Variants in GRIP1 observed in about 807,000 individuals in gnomAD.
GRIP1 encodes glutamate receptor-interacting protein 1.
Under a neutral mutation model 129.9 loss-of-function variants are expected in GRIP1, and 45 were observed. That is an observed-to-expected ratio of 0.35 (90% CI 0.27 to 0.44). The LOEUF (loss-of-function observed/expected upper bound fraction) is 0.44. GRIP1 is among the 20% of genes least tolerant of loss of function. GRIP1 has a pLI of 1.00. For missense variants in GRIP1, 1,196 were observed against 1,396.8 expected, an observed-to-expected ratio of 0.86 and a Z score of 2.29; for synonymous variants, 530 against 520.8, an observed-to-expected ratio of 1.02 and a Z score of -0.24.
Position 66,463,097 on chromosome 12 carries a change from C to A in GRIP1, c.873-4G>T, listed in dbSNP as rs368277972. The A allele has an allele frequency of 1.2e-6, 2 of 1,612,990 alleles. No homozygotes were observed. Among genetic ancestry groups the A allele is most frequent in the South Asian group, 2.2e-5 (2 of 91,028 alleles). ...TCCCACATGCAATGCGCCACATCTACGGAAAGGAGAAATACTCGGTAAGAG... is the reference window on the plus strand; with the variant it reads ...TCCCACATGCAATGCGCCACATCTAAGGAAAGGAGAAATACTCGGTAAGAG... On this transcript the variant is annotated splice_polypyrimidine_tract_variant and splice_region_variant and intron_variant, in intron 8 of 24. Transcript: ENST00000359742.
intron 1 of GRIP1, among the ~76,000 whole-genome samples, chr12:66,989,820 T>A (rs926269897): frequency 3.9e-5 from 6 of 152,138 alleles, no homozygotes. Flanking sequence ...TTTAATGGAA[T>A]TTGAGTTACA....
At chr12:66,742,384 T>C (rs925104006) in intron 1 of GRIP1, among the ~76,000 whole-genome samples, 1 of 152,098 alleles carries the variant, frequency 6.6e-6, no homozygotes, top group Non-Finnish European at 1.5e-5. Flanking sequence ...AAGGAACCAG[T>C]ATAAATTGCT....
intron 1 of GRIP1, among the ~76,000 whole-genome samples, chr12:66,800,507 G>T (rs1299824744): frequency 1.3e-5 from 2 of 152,164 alleles, no homozygotes; most frequent in Non-Finnish European, 2.9e-5. Flanking sequence ...TAAGCACAGT[G>T]TTAAGAGATT....
intron 1 of GRIP1, among the ~76,000 whole-genome samples, chr12:66,895,098 G>A (rs540704114): frequency 7.2e-5 from 11 of 152,280 alleles, no homozygotes; most frequent in African/African-American, 2.6e-4. Context: ...ACCATGAACT[G>A]CCTTCACCAC....
rs867869437 is a variant in GRIP1, at chr12:66,478,228, G to A, written c.725-12806C>T. The stretch of plus-strand genomic sequence containing the variant: ...AAAAAGTGGGCTAAGGATATGAACA[G>A]ACACTTCTCAAAAGAAGACATTTAT... On this transcript the variant is annotated intron_variant, in intron 7 of 24. Transcript: ENST00000359742. 5.3e-5 allele frequency among the ~76,000 whole-genome samples: 8 copies of A among 152,306 alleles called. No individual in the cohort carries two copies. In the East Asian group the frequency reaches 1.2e-3, roughly 22 times the overall value.
chr12:66,985,191 G>C (rs555758876), intron 1 of GRIP1, among the ~76,000 whole-genome samples: 2 of 152,276 alleles, frequency 1.3e-5, no homozygotes, highest in East Asian at 3.9e-4. Flanking sequence ...AAGCCACATA[G>C]TATCACTTCC....
chr12:66,751,884 G>A (rs2037136151), intron 1 of GRIP1, among the ~76,000 whole-genome samples: 1 of 152,100 alleles, frequency 6.6e-6, no homozygotes, highest in Admixed American at 6.6e-5. Flanking sequence ...ATGATCCAAT[G>A]GTGGGAAGTG....
chr12:66,658,955 C>T (rs1008450988), intron 1 of GRIP1, among the ~76,000 whole-genome samples: 9 of 151,392 alleles, frequency 5.9e-5, no homozygotes, highest in African/African-American at 1.9e-4. Flanking sequence ...CAAAAACAAA[C>T]GAACAACAAC....
intron 9 of GRIP1, among the ~76,000 whole-genome samples, chr12:66,461,348 T>G (rs1305233339): frequency 6.6e-6 from 1 of 152,278 alleles, no homozygotes; most frequent in South Asian, 2.1e-4. Flanking sequence ...CACTACACAG[T>G]GTACATTCTT....
intron 23 of GRIP1, among the ~76,000 whole-genome samples, chr12:66,358,542 G>T (rs2054600810): frequency 6.6e-6 from 1 of 152,066 alleles, no homozygotes; most frequent in Non-Finnish European, 1.5e-5. Context: ...CACCTCCCAG[G>T]CTCAGGCGAT....
chr12:66,658,440 G>A (rs974694911), intron 1 of GRIP1, among the ~76,000 whole-genome samples: 3 of 152,140 alleles, frequency 2.0e-5, no homozygotes, highest in Non-Finnish European at 2.9e-5. Context: ...ATGACTGCAT[G>A]TGGATATGAT....
intron 7 of GRIP1, among the ~76,000 whole-genome samples, chr12:66,496,319 A>G (rs993551187): frequency 6.6e-6 from 1 of 152,154 alleles, no homozygotes; most frequent in African/African-American, 2.4e-5. Context: ...CAAGATTTAC[A>G]TTCCTTAAAA....
At chr12:66,934,876 A>ATT (rs2041459576) in intron 1 of GRIP1, among the ~76,000 whole-genome samples, 2 of 152,228 alleles carry the variant, frequency 1.3e-5, no homozygotes, top group Admixed American at 6.5e-5. Context: ...AGACACCAGA[A>ATT]AGAACTTCAT....
At chr12:67,031,136 GGCTGACAGGAAGCTGCCTGTCC>G (rs1425352335) in intron 1 of GRIP1, among the ~76,000 whole-genome samples, 3 of 152,022 alleles carry the variant, frequency 2.0e-5, no homozygotes, top group Non-Finnish European at 4.4e-5. Flanking sequence ...AGACAGTCTG[GGCTGACAGGAAGCTGCCTGTCC>G]GCTCCCTCAT....
At chr12:66,932,312 G>A (rs2870922) in intron 1 of GRIP1, among the ~76,000 whole-genome samples, 26 of 152,116 alleles carry the variant, frequency 1.7e-4, no homozygotes, top group Admixed American at 1.7e-3. Context: ...CCCATTAGTC[G>A]AACTGTTTAT....
intron 1 of GRIP1, among the ~76,000 whole-genome samples, chr12:66,609,029 T>G (rs2064674840): frequency 6.6e-6 from 1 of 151,760 alleles, no homozygotes; most frequent in South Asian, 2.1e-4. Flanking sequence ...ATTGCTATGC[T>G]GTGAACTCCT....
chr12:66,522,501 A>G (rs2061051902), intron 5 of GRIP1, among the ~76,000 whole-genome samples: 1 of 152,252 alleles, frequency 6.6e-6, no homozygotes, highest in South Asian at 2.1e-4. Context: ...AAACTAACAA[A>G]GAGAAAGGAC....
At chr12:67,011,659 A>T (rs1056480771) in intron 1 of GRIP1, among the ~76,000 whole-genome samples, 1 of 151,954 alleles carries the variant, frequency 6.6e-6, no homozygotes, top group Non-Finnish European at 1.5e-5. Flanking sequence ...TACTTTCTCA[A>T]GAAGGTTTCA....
At chr12:66,363,381 C>T (rs919232908) in intron 23 of GRIP1, among the ~76,000 whole-genome samples, 1 of 148,818 alleles carries the variant, frequency 6.7e-6, no homozygotes, top group Non-Finnish European at 1.5e-5. Flanking sequence ...GCTGGGACCA[C>T]AGGTGCGTGC....
Sources: gnomAD v4.1 joint callset for allele counts (sites outside exome capture counted in the v4.1 genomes callset) on GRCh38, gnomAD v4.1.1 for gene constraint, MANE v1.5 for transcripts, NCBI Gene and HGNC (gene_info 2026-07-23, HGNC 2026-07-21) for gene names.